SPATS2L: variants seen among roughly 807,000 people sequenced by gnomAD.
The protein encoded by SPATS2L is SPATS2-like protein.
Under a neutral mutation model 59.6 loss-of-function variants are expected in SPATS2L, and 30 were observed. The ratio of observed to expected loss-of-function variants is 0.50; its 90% CI spans 0.38 to 0.68. The LOEUF is 0.68. SPATS2L is among the 30% of genes least tolerant of loss of function. The pLI, the probability that SPATS2L is intolerant of heterozygous loss-of-function variation, is 0.00. For synonymous variants in SPATS2L, 252 were observed against 263.5 expected (o/e 0.96, Z 0.42); for missense variants, 615 against 700.0 (o/e 0.88, Z 1.37).
intron 2 of SPATS2L, among the ~76,000 whole-genome samples, chr2:200,358,927 C>T (rs2081007194): frequency 6.6e-6 from 1 of 151,906 alleles, no homozygotes; most frequent in South Asian, 2.1e-4. Context: ...TTCAAAGTTG[C>T]AGTGAGCCAT....
At chr2:200,378,450 T>C (rs1027910991) in intron 2 of SPATS2L, 3 of 965,586 alleles carry the variant, frequency 3.1e-6, no homozygotes, top group Admixed American at 1.2e-4. Context: ...TGCCTGGGGG[T>C]ACTCTCCAAC....
chr2:200,439,227 C>CT lies in SPATS2L; in HGVS notation c.553dup (p.Cys185LeufsTer2). 1 of 1,613,640 alleles carries CT rather than the reference C, an allele frequency of 6.2e-7. No individual in the cohort carries two copies. Among genetic ancestry groups the CT allele is most frequent in the Non-Finnish European group, 8.5e-7 (1 of 1,179,658 alleles). Reference sequence around the variant, plus strand: ...GGCCTACAGTGGTCAGCTGAGCAGCCTTGTAACCCAAGCAAGCCTAAGGCA... The same window carrying CT: ...GGCCTACAGTGGTCAGCTGAGCAGCCTTTGTAACCCAAGCAAGCCTAAGGCA... On this transcript the variant is annotated frameshift_variant, in exon 7 of 13. Coordinates refer to ENST00000409140, the MANE Select transcript of SPATS2L (RefSeq NM_001100423.2). LOFTEE classifies it high-confidence loss of function.
intron 8 of SPATS2L, among the ~76,000 whole-genome samples, chr2:200,449,399 C>G (rs1574602990): frequency 6.6e-6 from 1 of 152,360 alleles, no homozygotes; most frequent in Non-Finnish European, 1.5e-5. Context: ...GTCAGTCACA[C>G]ACTTGGCACT....
chr2:200,407,071 A>G (rs1425144147), intron 3 of SPATS2L, among the ~76,000 whole-genome samples: 6 of 152,154 alleles, frequency 3.9e-5, no homozygotes, highest in Non-Finnish European at 7.4e-5. Flanking sequence ...TCAAAGCCAC[A>G]CCTGGAAGGA....
chr2:200,421,909 A>G (rs1433278100), intron 6 of SPATS2L, among the ~76,000 whole-genome samples: 2 of 152,242 alleles, frequency 1.3e-5, no homozygotes, highest in African/African-American at 4.8e-5. Context: ...AGCTTAGCAT[A>G]TATATTTTTT....
chr2:200,318,221 C>T (rs2079444114), intron 1 of SPATS2L, among the ~76,000 whole-genome samples: 1 of 152,166 alleles, frequency 6.6e-6, no homozygotes, highest in African/African-American at 2.4e-5. Flanking sequence ...TTATGCCAGT[C>T]ACTGTGATTG....
chr2:200,318,233 A>G (rs546269443), intron 1 of SPATS2L, among the ~76,000 whole-genome samples: 189 of 152,306 alleles, frequency 1.2e-3, no homozygotes, highest in Middle Eastern at 6.8e-3. Context: ...CTGTGATTGC[A>G]AATGCCCTGA....
intron 3 of SPATS2L, among the ~76,000 whole-genome samples, chr2:200,391,476 A>G (rs2082171477): frequency 6.6e-6 from 1 of 152,240 alleles, no homozygotes; most frequent in African/African-American, 2.4e-5. Context: ...ATTTTGAGAA[A>G]GACCCCAAAG....
chr2:200,314,723 C>A (rs763639389), intron 1 of SPATS2L, among the ~76,000 whole-genome samples: 65 of 152,272 alleles, frequency 4.3e-4, no homozygotes, highest in Non-Finnish European at 7.4e-4. Context: ...AGATGATAGA[C>A]CTGCTGTTCA....
intron 6 of SPATS2L, among the ~76,000 whole-genome samples, chr2:200,426,502 G>A (rs950333056): frequency 6.6e-6 from 1 of 152,208 alleles, no homozygotes; most frequent in African/African-American, 2.4e-5. Context: ...GCCAAGGCAG[G>A]AGGATCACTT....
chr2:200,413,210 G>A (rs1355528439), intron 4 of SPATS2L, among the ~76,000 whole-genome samples: 1 of 152,210 alleles, frequency 6.6e-6, no homozygotes, highest in Non-Finnish European at 1.5e-5. Context: ...TGATGCTTAT[G>A]TAGTCTAAGA....
chr2:200,406,521 C>T (rs563298530), intron 3 of SPATS2L, among the ~76,000 whole-genome samples: 8 of 152,192 alleles, frequency 5.3e-5, no homozygotes, highest in African/African-American at 1.7e-4. Context: ...GTTGCAAGTC[C>T]AGCCTCTCTT....
intron 2 of SPATS2L, among the ~76,000 whole-genome samples, chr2:200,361,179 A>C (rs1975583): frequency 0.33 from 49,389 of 151,342 alleles, 8,970 homozygotes; most frequent in Middle Eastern, 0.51. Flanking sequence ...ACATTATAGA[A>C]TGGACATAGG....
At chr2:200,419,607 C>A in intron 6 of SPATS2L, 111 bp downstream of exon 6, 1 of 1,258,088 alleles carries the variant, frequency 7.9e-7, no homozygotes, top group Non-Finnish European at 1.1e-6. Flanking sequence ...TGTTTTTCTG[C>A]AGTGTGTACG....
intron 3 of SPATS2L, among the ~76,000 whole-genome samples, chr2:200,411,372 C>T (rs1001365455): frequency 6.6e-6 from 1 of 152,222 alleles, no homozygotes; most frequent in African/African-American, 2.4e-5. Context: ...TTATACTAAA[C>T]TGCATTTAAC....
chr2:200,375,809 T>C (rs918640658), intron 2 of SPATS2L, among the ~76,000 whole-genome samples: 5 of 152,064 alleles, frequency 3.3e-5, no homozygotes, highest in African/African-American at 1.2e-4. Context: ...GTACTTTTAG[T>C]AGAGACAGGG....
intron 2 of SPATS2L, among the ~76,000 whole-genome samples, chr2:200,380,355 G>A (rs779295069): frequency 7.9e-5 from 12 of 152,192 alleles, no homozygotes; most frequent in Non-Finnish European, 1.6e-4. Context: ...CTGCTCTGCC[G>A]TGTACGTGCA....
At chr2:200,423,180 G>T (rs538730633) in intron 6 of SPATS2L, among the ~76,000 whole-genome samples, 1 of 152,304 alleles carries the variant, frequency 6.6e-6, no homozygotes, top group East Asian at 1.9e-4. Context: ...GCTATGTTTG[G>T]ACCGCAGTTG....
chr2:200,412,312 T>G lies in SPATS2L; in HGVS notation c.41T>G (p.Ile14Ser). 6.6e-7 allele frequency: 1 copy of G among 1,520,074 alleles called. No homozygotes were observed. The highest frequency in any genetic ancestry group is 1.2e-5 in the South Asian group (1 of 81,196). 94.2% of individuals were successfully genotyped at this position (1,520,074 alleles called of 1,614,324 possible). ...TCTTTTTTTTTTTTTCCTTTACAGATCTATGCAGTTAGATCAGTTGTTCCC... is the reference window on the plus strand; with the variant it reads ...TCTTTTTTTTTTTTTCCTTTACAGAGCTATGCAGTTAGATCAGTTGTTCCC... ...LNTHVNVKEK[I>S]YAVRSVVPNK... Residue 14 changes from isoleucine to serine, a missense_variant and splice_region_variant, in exon 4 of 13, where the codon ATC becomes AGC. By Grantham distance (142) the Ile-to-Ser change is moderately radical. This residue lies in a region of SPATS2L where 227 missense variants were observed against 257.4 expected (regional missense o/e 0.88). Coordinates refer to ENST00000409140, the MANE Select transcript of SPATS2L (RefSeq NM_001100423.2).
Sources: allele counts gnomAD v4.1 joint callset (sites outside exome capture counted in the v4.1 genomes callset), GRCh38; gene constraint gnomAD v4.1.1; regional missense constraint gnomAD v4.1.1; transcripts MANE v1.5; gene names NCBI Gene and HGNC (gene_info 2026-07-23, HGNC 2026-07-21).